OR7G1: variants seen among roughly 807,000 people sequenced by gnomAD.
The protein encoded by OR7G1 is olfactory receptor family 7 subfamily G member 1, also known as olfactory receptor 7G1.
For synonymous variants in OR7G1, 142 were observed against 138.5 expected, an observed-to-expected ratio of 1.02 and a Z score of -0.18; for missense variants, 385 against 365.6, an observed-to-expected ratio of 1.05 and a Z score of -0.43.
chr19:9,115,756 G>C lies in OR7G1; in HGVS notation c.8C>G (p.Pro3Arg). ...TTCTGAAACAGCTGTTTGGTTTCTG[G>C]GTCCCATGTTTTTGATGATCAAAAA... MG[P>R]RNQTAVSEFL... The change falls in exon 1 of 1, where the codon CCC becomes CGC. Residue 3 changes from proline to arginine, a missense_variant. Coordinates refer to ENST00000541538, the MANE Select transcript of OR7G1 (RefSeq NM_001005192.2). 1.3e-6 allele frequency: 2 copies of C among 1,525,134 alleles called. No individual in the cohort carries two copies. Among genetic ancestry groups the C allele is most frequent in the Non-Finnish European group, 1.8e-6 (2 of 1,136,984 alleles). 94.5% of individuals were successfully genotyped at this position (1,525,134 alleles called of 1,614,324 possible).
Position 9,114,843 on chromosome 19 carries a change from C to T in OR7G1, c.921G>A (p.Arg307=), listed in dbSNP as rs1245537109. 8.7e-6 allele frequency: 14 copies of T among 1,603,636 alleles called. No individual in the cohort carries two copies. The highest frequency in any genetic ancestry group is 1.7e-4 in the Middle Eastern group (1 of 6,036). ...MKKALRKLIG[R]LFPF ...ACAAAGATCGCTAAAAAGGAAACAG[C>T]CTACCAATAAGTTTCCTCAAAGCTT... The change falls in exon 1 of 1, where the codon AGG becomes AGA. Residue 307 remains arginine (R), a synonymous_variant. Transcript: ENST00000541538.
Position 9,114,918 on chromosome 19 carries a change from A to T in OR7G1, c.846T>A (p.Pro282=), listed in dbSNP as rs765601859. The T allele has an allele frequency of 1.5e-5, 25 of 1,613,762 alleles. No homozygotes were observed. The African/African-American group carries it at 2.7e-4, about 17-fold the overall frequency. Residue 282 remains proline, a synonymous_variant, in exon 1 of 1, where the codon CCT becomes CCA. Coordinates refer to ENST00000541538, the MANE Select transcript of OR7G1 (RefSeq NM_001005192.2). ...TGTAGATGAAGGGGTTCATCATTTG[A>T]GGGACCACAGTGTACATCACTGAAG... The part of the protein sequence containing the change: ...AVASVMYTVV[P]QMMNPFIYSL...
chr19:9,115,352 C>T lies in OR7G1; in HGVS notation c.412G>A (p.Val138Ile), dbSNP rs139533940. Residue 138 changes from valine to isoleucine, a missense_variant, in exon 1 of 1, where the codon GTC becomes ATC. Coordinates refer to ENST00000541538, the MANE Select transcript of OR7G1 (RefSeq NM_001005192.2). ...AGAATCAGCAAGCCCCAGAAATGGACATTCATGAGGACTGTGTACCTCAGT... is the reference window on the plus strand; with the variant it reads ...AGAATCAGCAAGCCCCAGAAATGGATATTCATGAGGACTGTGTACCTCAGT... ...HPLRYTVLMN[V>I]HFWGLLILLS... 6 of 1,614,168 alleles carry T rather than the reference C, an allele frequency of 3.7e-6. No homozygotes were observed. In the South Asian group the frequency reaches 6.6e-5, roughly 18 times the overall value.
rs778867684 is a variant in OR7G1, at chr19:9,115,755, G to C, written c.9C>G (p.Pro3=). The C allele has an allele frequency of 6.5e-7, 1 of 1,527,874 alleles. No individual in the cohort carries two copies. Among genetic ancestry groups the C allele is most frequent in the South Asian group, 1.3e-5 (1 of 76,146 alleles). The allele number at this position is 1,527,874 out of a possible 1,614,324, so 94.6% of individuals were successfully genotyped here. The part of the protein sequence containing the change: MG[P]RNQTAVSEFL... Reference sequence around the variant, plus strand: ...ATTCTGAAACAGCTGTTTGGTTTCTGGGTCCCATGTTTTTGATGATCAAAA... The same window carrying C: ...ATTCTGAAACAGCTGTTTGGTTTCTCGGTCCCATGTTTTTGATGATCAAAA... The change falls in exon 1 of 1, where the codon CCC becomes CCG. Residue 3 remains proline, a synonymous_variant. Transcript: ENST00000541538.
Position 9,115,569 on chromosome 19 carries a change from A to G in OR7G1, c.195T>C (p.Asn65=). The part of the protein sequence containing the change: ...LHTPMYFLLF[N]LSFTDICLTT... ...TTAAACAGATGTCAGTAAAGGAGAG[A>G]TTAAAGAGAAGGAAGTACATGGGGG... Residue 65 remains asparagine, a synonymous_variant, in exon 1 of 1, where the codon AAT becomes AAC. Transcript: ENST00000541538. The G allele has an allele frequency of 6.2e-7, 1 of 1,614,172 alleles. No individual in the cohort carries two copies. The highest frequency in any genetic ancestry group is 1.3e-5 in the African/African-American group (1 of 75,058).
Position 9,115,388 on chromosome 19 carries a change from T to C in OR7G1, c.376A>G (p.Ile126Val), listed in dbSNP as rs762185685. 8.1e-6 allele frequency: 13 copies of C among 1,613,986 alleles called. No homozygotes were observed. Among genetic ancestry groups the C allele is most frequent in the Non-Finnish European group, 9.3e-6 (11 of 1,180,014 alleles). The change falls in exon 1 of 1, where the codon ATT becomes GTT. Residue 126 changes from isoleucine to valine, a missense_variant. Coordinates refer to ENST00000541538, the MANE Select transcript of OR7G1 (RefSeq NM_001005192.2). ...AVMAYDRYVA[I>V]CHPLRYTVLM... ...ACTGTGTACCTCAGTGGGTGGCAAA[T>C]GGCCACATAGCGGTCGTAGGCCATG...
Position 9,115,038 on chromosome 19 carries a change from G to C in OR7G1, c.726C>G (p.Gly242=). Reference sequence around the variant, plus strand: ...ACAAGGAAAAAACAGAGAGGTGACAGCCACAGGTGGAAAACGCTTTATACT... The same window carrying C: ...ACAAGGAAAAAACAGAGAGGTGACACCCACAGGTGGAAAACGCTTTATACT... The part of the protein sequence containing the change: ...RGKYKAFSTC[G]CHLSVFSLFY... The change falls in exon 1 of 1, where the codon GGC becomes GGG. Residue 242 remains glycine (G), a synonymous_variant. Transcript: ENST00000541538. 6.2e-7 allele frequency: 1 copy of C among 1,614,114 alleles called. No homozygotes were observed. The highest frequency in any genetic ancestry group is 8.5e-7 in the Non-Finnish European group (1 of 1,179,972).
Position 9,115,564 on chromosome 19 carries a change from G to C in OR7G1, c.200C>G (p.Ser67Cys), listed in dbSNP as rs756197236. The C allele has an allele frequency of 1.1e-5, 17 of 1,614,018 alleles. No homozygotes were observed. Among genetic ancestry groups the C allele is most frequent in the Non-Finnish European group, 1.2e-5 (14 of 1,180,016 alleles). ...TPMYFLLFNL[S>C]FTDICLTTTT... Reference sequence around the variant, plus strand: ...TGTGGTTAAACAGATGTCAGTAAAGGAGAGATTAAAGAGAAGGAAGTACAT... The same window carrying C: ...TGTGGTTAAACAGATGTCAGTAAAGCAGAGATTAAAGAGAAGGAAGTACAT... Residue 67 changes from serine (S) to cysteine (C), a missense_variant, in exon 1 of 1, where the codon TCC (serine) becomes TGC (cysteine). Transcript: ENST00000541538.
rs1209243464 is a variant in OR7G1, at chr19:9,115,133, G to C, written c.631C>G (p.Leu211Val). 6 of 1,614,022 alleles carry C rather than the reference G, an allele frequency of 3.7e-6. No homozygotes were observed. The East Asian group carries it at 1.1e-4, about 30-fold the overall frequency. ...FASSVFGAIP[L>V]SGIIFSYSQI... The stretch of plus-strand genomic sequence containing the variant: ...GAATAAGAGAAAATTATTCCAGAGA[G>C]AGGAATTGCACCAAATACACTACTT... Residue 211 changes from leucine to valine, a missense_variant, in exon 1 of 1, where the codon CTC becomes GTC. Coordinates refer to ENST00000541538, the MANE Select transcript of OR7G1 (RefSeq NM_001005192.2).
chr19:9,115,517 C>G lies in OR7G1; in HGVS notation c.247G>C (p.Val83Leu). 6.2e-7 allele frequency: 1 copy of G among 1,614,134 alleles called. No individual in the cohort carries two copies. Among genetic ancestry groups the G allele is most frequent in the Non-Finnish European group, 8.5e-7 (1 of 1,180,004 alleles). ...LTTTTVPKILVNIQAQNQSIT... is the reference protein window; with the variant it reads ...LTTTTVPKILLNIQAQNQSIT... ...CTCTGATTCTGAGCTTGGATGTTCA[C>G]TAGGATCTTTGGGACTGTGGTTGTG... The change falls in exon 1 of 1, where the codon GTG (valine) becomes CTG (leucine). Residue 83 changes from valine (V) to leucine (L), a missense_variant. Transcript: ENST00000541538.
At position 9,115,203 on chromosome 19, in the gene OR7G1, G is replaced by A. The variant is rs761133888; in HGVS notation, c.561C>T (p.Leu187=). The change falls in exon 1 of 1, where the codon CTC becomes CTT. Residue 187 remains leucine, a synonymous_variant. Coordinates refer to ENST00000541538, the MANE Select transcript of OR7G1 (RefSeq NM_001005192.2). Reference sequence around the variant, plus strand: ...TGTTGATGAGGGTGTCAGAACAGGCGAGCTTGATGACCTGAACGACTTCAC... The same window carrying A: ...TGTTGATGAGGGTGTCAGAACAGGCAAGCTTGATGACCTGAACGACTTCAC... ...FFCEVVQVIK[L]ACSDTLINNI... is the part of the protein sequence containing the mutation. 11 of 1,614,098 alleles carry A rather than the reference G, an allele frequency of 6.8e-6. No homozygotes were observed. The highest frequency in any genetic ancestry group is 2.2e-5 in the East Asian group (1 of 44,882).
Position 9,115,618 on chromosome 19 carries a change from A to G in OR7G1, c.146T>C (p.Val49Ala), listed in dbSNP as rs1377581345. ...ILGNLLILLA[V>A]ISDSHLHTPM... ...GGTGTGGAGGTGGGAGTCAGAGATG[A>G]CAGCCAGGAGAATGAGCAGGTTCCC... The change falls in exon 1 of 1, where the codon GTC becomes GCC. Residue 49 changes from valine to alanine, a missense_variant. Coordinates refer to ENST00000541538, the MANE Select transcript of OR7G1 (RefSeq NM_001005192.2). 1.2e-6 allele frequency: 2 copies of G among 1,614,146 alleles called. No homozygotes were observed. The highest frequency in any genetic ancestry group is 1.7e-6 in the Non-Finnish European group (2 of 1,180,024).
Position 9,115,147 on chromosome 19 carries a change from A to T in OR7G1, c.617T>A (p.Phe206Tyr). The T allele has an allele frequency of 6.2e-7, 1 of 1,614,128 alleles. No homozygotes were observed. Among genetic ancestry groups the T allele is most frequent in the Non-Finnish European group, 8.5e-7 (1 of 1,179,972 alleles). The change falls in exon 1 of 1, where the codon TTT becomes TAT. Residue 206 changes from phenylalanine (F) to tyrosine (Y), a missense_variant. Transcript: ENST00000541538. ...TATTCCAGAGAGAGGAATTGCACCA[A>T]ATACACTACTTGCAAAATATATGAG... Reference protein sequence around the residue: ...NILIYFASSVFGAIPLSGIIF... With the variant: ...NILIYFASSVYGAIPLSGIIF...
At position 9,115,674 on chromosome 19, in the gene OR7G1, C is replaced by A. The variant is rs768335017; in HGVS notation, c.90G>T (p.Leu30=). The A allele has an allele frequency of 2.5e-6, 4 of 1,613,340 alleles. No homozygotes were observed. In the South Asian group the frequency reaches 4.4e-5, roughly 18 times the overall value. The change falls in exon 1 of 1, where the codon CTG becomes CTT. Residue 30 remains leucine (L), a synonymous_variant. Transcript: ENST00000541538. ...TGGTGACCAGGTACATGGACAGGAA[C>A]AGGCTGAAAGGGATTAACTTCAGTT... The part of the protein sequence containing the change: ...DPELKLIPFS[L]FLSMYLVTIL...
Position 9,115,003 on chromosome 19 carries a change from G to C in OR7G1, c.761C>G (p.Thr254Arg), listed in dbSNP as rs781701926. The C allele has an allele frequency of 1.9e-6, 3 of 1,614,156 alleles. No individual in the cohort carries two copies. The highest frequency in any genetic ancestry group is 1.7e-6 in the Non-Finnish European group (2 of 1,180,016). The change falls in exon 1 of 1, where the codon ACA becomes AGA. Residue 254 changes from threonine to arginine, a missense_variant. Physicochemically the swap from Thr to Arg is moderately conservative, Grantham distance 71 (BLOSUM62 -1). Transcript: ENST00000541538. ...HLSVFSLFYGTAFGVYISSAV... is the reference protein window; with the variant it reads ...HLSVFSLFYGRAFGVYISSAV... ...AGAACTAATGTACACCCCAAAAGCT[G>C]TCCCATAGAACAAGGAAAAAACAGA...
Position 9,115,327 on chromosome 19 carries a change from A to C in OR7G1, c.437T>G (p.Leu146Arg), listed in dbSNP as rs1467206900. The stretch of plus-strand genomic sequence containing the variant: ...CATAGTGCTCATGAACATGGAGAGA[A>C]GAATCAGCAAGCCCCAGAAATGGAC... The part of the protein sequence containing the change: ...MNVHFWGLLI[L>R]LSMFMSTMDA... Residue 146 changes from leucine to arginine, a missense_variant, in exon 1 of 1, where the codon CTT (leucine) becomes CGT (arginine). Physicochemically the swap from Leu to Arg is moderately radical, Grantham distance 102. Coordinates refer to ENST00000541538, the MANE Select transcript of OR7G1 (RefSeq NM_001005192.2). 7 of 1,614,082 alleles carry C rather than the reference A, an allele frequency of 4.3e-6. No individual in the cohort carries two copies. The highest frequency in any genetic ancestry group is 5.9e-6 in the Non-Finnish European group (7 of 1,180,040).
In OR7G1 at chr19:9,115,096, G is replaced by A. The variant is rs745364550; in HGVS notation, c.668C>T (p.Thr223Ile). 1.3e-5 allele frequency: 21 copies of A among 1,613,890 alleles called. No homozygotes were observed. The highest frequency in any genetic ancestry group is 1.7e-5 in the Non-Finnish European group (20 of 1,179,914). ...GIIFSYSQIV[T>I]SVLRMPSARG... ...TGCTGATGGCATTCTCAGAACAGAG[G>A]TGACTATTTGAGAATAAGAGAAAAT... Residue 223 changes from threonine (T) to isoleucine (I), a missense_variant, in exon 1 of 1, where the codon ACC becomes ATC. By Grantham distance (89) the Thr-to-Ile change is moderately conservative (BLOSUM62 -1). Coordinates refer to ENST00000541538, the MANE Select transcript of OR7G1 (RefSeq NM_001005192.2).
Position 9,114,984 on chromosome 19 carries a change from A to T in OR7G1, c.780T>A (p.Ile260=), listed in dbSNP as rs2050438529. Residue 260 remains isoleucine, a synonymous_variant, in exon 1 of 1, where the codon ATT becomes ATA. Coordinates refer to ENST00000541538, the MANE Select transcript of OR7G1 (RefSeq NM_001005192.2). ...GGGAAGACTCAGCAACAGCAGAACT[A>T]ATGTACACCCCAAAAGCTGTCCCAT... ...LFYGTAFGVY[I]SSAVAESSRI... The T allele has an allele frequency of 1.9e-6, 3 of 1,614,042 alleles. No individual in the cohort carries two copies. In the African/African-American group the frequency reaches 4.0e-5, roughly 22 times the overall value.
Position 9,115,162 on chromosome 19 carries a change from A to G in OR7G1, c.602T>C (p.Phe201Ser). The change falls in exon 1 of 1, where the codon TTT (phenylalanine) becomes TCT (serine). Residue 201 changes from phenylalanine to serine, a missense_variant. Coordinates refer to ENST00000541538, the MANE Select transcript of OR7G1 (RefSeq NM_001005192.2). ...DTLINNILIYFASSVFGAIPL... is the reference protein window; with the variant it reads ...DTLINNILIYSASSVFGAIPL... ...AATTGCACCAAATACACTACTTGCAAAATATATGAGGATGTTGTTGATGAG... is the reference window on the plus strand; with the variant it reads ...AATTGCACCAAATACACTACTTGCAGAATATATGAGGATGTTGTTGATGAG... 1 of 1,614,076 alleles carries G rather than the reference A, an allele frequency of 6.2e-7. No homozygotes were observed. Among genetic ancestry groups the G allele is most frequent in the Non-Finnish European group, 8.5e-7 (1 of 1,179,936 alleles).
Sources: gnomAD v4.1 joint callset for allele counts on GRCh38, gnomAD v4.1.1 for gene constraint, MANE v1.5 for transcripts, NCBI Gene and HGNC (gene_info 2026-07-23, HGNC 2026-07-21) for gene names.